The following LPCAT1 variants were observed in gnomAD, a reference collection of about 807,000 sequenced individuals.
LPCAT1 encodes the protein lysophosphatidylcholine acyltransferase 1.
Under a neutral mutation model 60.9 loss-of-function variants are expected in LPCAT1, and 23 were observed. That is an observed-to-expected ratio of 0.38 (90% confidence interval 0.27 to 0.53). LPCAT1 has a LOEUF of 0.53. Ranked by LOEUF, LPCAT1 falls within the 20% of genes least tolerant of loss-of-function variation. The pLI is 0.82. For synonymous variants in LPCAT1, 340 were observed against 301.1 expected, an observed-to-expected ratio of 1.13 and a Z score of -1.34; for missense variants, 622 against 723.6, an observed-to-expected ratio of 0.86 and a Z score of 1.61.
At chr5:1,469,619 T>C (rs766781392) in intron 12 of LPCAT1, among the ~76,000 whole-genome samples, 17 of 151,826 alleles carry the variant, frequency 1.1e-4, no homozygotes, top group Non-Finnish European at 2.1e-4. Flanking sequence ...TCTTCTAAAA[T>C]TACAAAAATT....
intron 2 of LPCAT1, among the ~76,000 whole-genome samples, chr5:1,501,221 T>C (rs1036177108): frequency 1.3e-5 from 2 of 152,146 alleles, no homozygotes; most frequent in African/African-American, 2.4e-5. Context: ...CCACACATCC[T>C]GCAGACCCCT....
chr5:1,481,502 C>T lies in LPCAT1; in HGVS notation c.727-526G>A, dbSNP rs763447767. Among the ~76,000 whole-genome samples the T allele has an allele frequency of 1.3e-5, 2 of 152,248 alleles. No individual in the cohort carries two copies. Among genetic ancestry groups the T allele is most frequent in the African/African-American group, 4.8e-5 (2 of 41,468 alleles). On this transcript the variant is annotated intron_variant, in intron 6 of 13. Transcript: ENST00000283415. This position sits in a 1 kb window ranked among gnomAD's most constrained non-coding sequence, Gnocchi z 7.8. ...GTCCCATCTTCAGCCTCAGTGCCGC[C>T]GGGCAGGGACCACACAGCAGGGGCC...
chr5:1,463,575 C>A lies in LPCAT1; in HGVS notation c.*76G>T, dbSNP rs188840213. 472 of 1,520,016 alleles carry A rather than the reference C, an allele frequency of 3.1e-4. 3 individuals carry two copies. In the East Asian group the frequency reaches 0.01, roughly 33 times the overall value. The allele number at this position is 1,520,016 out of a possible 1,614,324, so 94.2% of individuals were successfully genotyped here. ...TACAGCAGGAGTGAGGAGCGGAGCC[C>A]AGAGGTCACTCGCAAAGAGGCTCAT... On this transcript the variant is annotated 3_prime_UTR_variant, in exon 14 of 14. Coordinates refer to ENST00000283415, the MANE Select transcript of LPCAT1 (RefSeq NM_024830.5).
chr5:1,506,879 G>A (rs1455358590), intron 1 of LPCAT1, among the ~76,000 whole-genome samples: 2 of 152,146 alleles, frequency 1.3e-5, no homozygotes, highest in East Asian at 1.9e-4. Context: ...TGTCAGAGAG[G>A]GCAGGTGTCT....
At chr5:1,510,550 G>A (rs540615982) in intron 1 of LPCAT1, among the ~76,000 whole-genome samples, 16 of 152,330 alleles carry the variant, frequency 1.1e-4, no homozygotes, top group African/African-American at 2.4e-4. Context: ...GTCCACGGGC[G>A]TCTTACGAGG....
chr5:1,501,428 C>G (rs771968421), intron 2 of LPCAT1, 33 bp downstream of exon 2: 7 of 1,582,728 alleles, frequency 4.4e-6, no homozygotes, highest in Non-Finnish European at 4.3e-6. Flanking sequence ...TGACCCCCCC[C>G]CAGGAGGAGA....
chr5:1,520,647 T>C (rs1736642289), intron 1 of LPCAT1, among the ~76,000 whole-genome samples: 1 of 151,508 alleles, frequency 6.6e-6, no homozygotes, highest in Admixed American at 6.6e-5. Flanking sequence ...GATCACAAGG[T>C]CAGGAGATCG....
At chr5:1,500,588 G>A (rs1004976140) in intron 2 of LPCAT1, among the ~76,000 whole-genome samples, 5 of 152,212 alleles carry the variant, frequency 3.3e-5, no homozygotes, top group African/African-American at 7.2e-5. Context: ...CTCGGAGGGC[G>A]GGGAAGGACC....
Position 1,462,659 on chromosome 5 carries a change from G to C in LPCAT1, c.*992C>G, listed in dbSNP as rs923556018. On this transcript the variant is annotated 3_prime_UTR_variant, in exon 14 of 14. Coordinates refer to ENST00000283415, the MANE Select transcript of LPCAT1 (RefSeq NM_024830.5). Reference sequence around the variant, plus strand: ...AAACCAGGGCTGACAGGAAGATGCAGCCGCTTCCAGCAGGGACCTGGCCTG... The same window carrying C: ...AAACCAGGGCTGACAGGAAGATGCACCCGCTTCCAGCAGGGACCTGGCCTG... 6.6e-6 allele frequency: 1 copy of C among 152,278 alleles called. No individual in the cohort carries two copies. The highest frequency in any genetic ancestry group is 1.5e-5 in the Non-Finnish European group (1 of 68,064). The allele number at this position is 152,278 out of a possible 1,614,324, so 9.4% of individuals were successfully genotyped here.
rs1441966352 is a variant in LPCAT1 at position 1,483,265 on chromosome 5, C to T, written c.726+163G>A. 1.3e-5 allele frequency among the ~76,000 whole-genome samples: 2 copies of T among 152,156 alleles called. No homozygotes were observed. The highest frequency in any genetic ancestry group is 2.9e-5 in the Non-Finnish European group (2 of 68,016). On this transcript the variant is annotated intron_variant, in intron 6 of 13. Transcript: ENST00000283415. The surrounding 1 kb of genome is among the most constrained non-coding windows in gnomAD (Gnocchi z 9.2). The stretch of plus-strand genomic sequence containing the variant: ...AGCCCAGGGCCCGGGCCTGTCCTGC[C>T]CTCTCCAGCGCTGAGGCCGGATGGA...
At chr5:1,489,943 C>T (rs1735513154) in intron 3 of LPCAT1, 85 bp from the exon 4 acceptor site, 8 of 974,430 alleles carry the variant, frequency 8.2e-6, no homozygotes, top group South Asian at 6.5e-5. Flanking sequence ...TGCTGCATGG[C>T]GCCCAGTGGG....
intron 12 of LPCAT1, among the ~76,000 whole-genome samples, chr5:1,470,054 G>C (rs1003490188): frequency 6.6e-6 from 1 of 152,260 alleles, no homozygotes; most frequent in Admixed American, 6.5e-5. Flanking sequence ...AGAAGCAAGA[G>C]AAGGGAGTTC....
In LPCAT1 at chr5:1,477,500, G is replaced by A. The variant is rs778692133; in HGVS notation, c.817-14C>T. ...CACAGGAAGGAACTGAGCACACAGA[G>A]AAGCTGCGTTAGTATCACAAGACGC... On this transcript the variant is annotated splice_polypyrimidine_tract_variant and intron_variant, in intron 8 of 13. Coordinates refer to ENST00000283415, the MANE Select transcript of LPCAT1 (RefSeq NM_024830.5). This position sits in a 1 kb window ranked among gnomAD's most constrained non-coding sequence, Gnocchi z 6.0. 14 of 1,600,394 alleles carry A rather than the reference G, an allele frequency of 8.7e-6. No individual in the cohort carries two copies. The Admixed American group carries it at 1.5e-4, about 18-fold the overall frequency.
At position 1,495,332 on chromosome 5, in the gene LPCAT1, G is replaced by C. The variant is rs891154080; in HGVS notation, c.279-418C>G. On this transcript the variant is annotated intron_variant, in intron 2 of 13. Transcript: ENST00000283415. The surrounding 1 kb of genome is among the most constrained non-coding windows in gnomAD (Gnocchi z 4.7). ...CACCTAAAACGCATATCGCAATATG[G>C]GGGGGGGGGCGCTCAGAGCTGAGGG... 1.4e-4 allele frequency among the ~76,000 whole-genome samples: 5 copies of C among 35,534 alleles called. No homozygotes were observed. Among genetic ancestry groups the C allele is most frequent in the Non-Finnish European group, 2.8e-4 (5 of 18,146 alleles). 23.3% of individuals were successfully genotyped at this position (35,534 alleles called of 152,430 possible).
Position 1,483,348 on chromosome 5 carries a change from A to G in LPCAT1, c.726+80T>C. On this transcript the variant is annotated intron_variant, in intron 6 of 13. Transcript: ENST00000283415. This position sits in a 1 kb window ranked among gnomAD's most constrained non-coding sequence, Gnocchi z 9.2. Reference sequence around the variant, plus strand: ...ATAAAGGGTGTGGAGAGACAGAGACACAGGTGCACAGAGGCAGCTCGCAGT... The same window carrying G: ...ATAAAGGGTGTGGAGAGACAGAGACGCAGGTGCACAGAGGCAGCTCGCAGT... 5 of 1,395,620 alleles carry G rather than the reference A, an allele frequency of 3.6e-6. No homozygotes were observed. The highest frequency in any genetic ancestry group is 5.1e-6 in the Non-Finnish European group (5 of 981,744). The allele number at this position is 1,395,620 out of a possible 1,614,324, so 86.5% of individuals were successfully genotyped here. A position where few individuals can be genotyped will look rare whatever the true frequency, so the allele number is the denominator to read the frequency against.
intron 5 of LPCAT1, among the ~76,000 whole-genome samples, chr5:1,485,449 A>G (rs1351346018): frequency 6.6e-6 from 1 of 152,212 alleles, no homozygotes; most frequent in Non-Finnish European, 1.5e-5. Flanking sequence ...GAATGCAGGA[A>G]CAAGGCAGAG....
chr5:1,513,086 G>A (rs1021147634), intron 1 of LPCAT1, among the ~76,000 whole-genome samples: 1 of 152,218 alleles, frequency 6.6e-6, no homozygotes, highest in African/African-American at 2.4e-5. Flanking sequence ...GTGGCTATGT[G>A]AGCATCACAG....
rs552575365 is a variant in LPCAT1 at position 1,483,836 on chromosome 5, G to A, written c.668-350C>T. 2.3e-4 allele frequency among the ~76,000 whole-genome samples: 34 copies of A among 146,956 alleles called. 1 individual carries two copies. The highest frequency in any genetic ancestry group is 4.1e-4 in the Admixed American group (6 of 14,556). ...GAGGGACACTTTCTGCTGTAACATC[G>A]CGCACCAGCTGGAAGGCGTCTGTGG... is the stretch of plus-strand genomic sequence containing the variant. On this transcript the variant is annotated intron_variant, in intron 5 of 13. Transcript: ENST00000283415. The surrounding 1 kb of genome is among the most constrained non-coding windows in gnomAD (Gnocchi z 9.2).
chr5:1,470,721 T>C lies in LPCAT1; in HGVS notation c.1278+105A>G, dbSNP rs543179881. On this transcript the variant is annotated intron_variant, in intron 12 of 13. Coordinates refer to ENST00000283415, the MANE Select transcript of LPCAT1 (RefSeq NM_024830.5). ...TACGTAAAAATAGCAGTTGGGCAAA[T>C]GATCAATTAACTGATATTATAAGGA... 42 of 794,762 alleles carry C rather than the reference T, an allele frequency of 5.3e-5. No individual in the cohort carries two copies. The African/African-American group carries it at 5.9e-4, about 11-fold the overall frequency. 49.2% of individuals were successfully genotyped at this position (794,762 alleles called of 1,614,324 possible). A position where few individuals can be genotyped will look rare whatever the true frequency, so the allele number is the denominator to read the frequency against.
Sources: allele counts gnomAD v4.1 joint callset (sites outside exome capture counted in the v4.1 genomes callset), GRCh38; gene constraint gnomAD v4.1.1; non-coding constraint Gnocchi (gnomAD v3.1); transcripts MANE v1.5; gene names NCBI Gene and HGNC (gene_info 2026-07-23, HGNC 2026-07-21).